The following BSPH1 variants were observed in gnomAD, a reference collection of about 807,000 sequenced individuals.
BSPH1 encodes binder of sperm protein homolog 1, also known as binder of sperm 1.
Under a neutral mutation model 22.5 loss-of-function variants are expected in BSPH1, and 21 were observed. The observed-to-expected ratio is 0.93, with a 90% CI of 0.66 to 1.35. The LOEUF is 1.35. Among genes scored for constraint, BSPH1 ranks in the 40% most tolerant of loss-of-function variants. The pLI, the probability that BSPH1 is intolerant of heterozygous loss-of-function variation, is 0.00. For synonymous variants in BSPH1, 42 were observed against 53.6 expected (o/e 0.78, Z 0.95); for missense variants, 141 against 154.2 (o/e 0.91, Z 0.45).
chr19:47,992,044 C>A lies in BSPH1; in HGVS notation c.38G>T (p.Arg13Leu), dbSNP rs559555937. ...AGGGAAGATGCAAGCTGAGGAATTT[C>A]GCGTCGTTTCCACGAAGAGAAGCAT... ...SLMLLFVETTRNSSACIFPVI... is the reference protein window; with the variant it reads ...SLMLLFVETTLNSSACIFPVI... The change falls in exon 1 of 6, where the codon CGA (arginine) becomes CTA (leucine). Residue 13 changes from arginine to leucine, a missense_variant. Arg to Leu is a moderately radical substitution (Grantham distance 102). Coordinates refer to ENST00000344839, the MANE Select transcript of BSPH1 (RefSeq NM_001128326.2). 3 of 1,550,932 alleles carry A rather than the reference C, an allele frequency of 1.9e-6. No homozygotes were observed. The highest frequency in any genetic ancestry group is 2.6e-6 in the Non-Finnish European group (3 of 1,146,456).
intron 1 of BSPH1, 146 bp from the exon 2 acceptor site, chr19:47,981,087 A>G: frequency 2.2e-6 from 1 of 456,884 alleles, no homozygotes; most frequent in Non-Finnish European, 4.0e-6. Context: ...TAGTAGTGTG[A>G]TTGTGGGTGA....
In BSPH1 at chr19:47,976,869, G is replaced by A. The variant is rs1275091878; in HGVS notation, c.257-15C>T. The A allele has an allele frequency of 6.4e-7, 1 of 1,550,792 alleles. No homozygotes were observed. The highest frequency in any genetic ancestry group is 1.4e-5 in the African/African-American group (1 of 73,020). On this transcript the variant is annotated splice_polypyrimidine_tract_variant and intron_variant, in intron 4 of 5. Transcript: ENST00000344839. ...GTTTGCAAAATCTGCAGAGGAGGAA[G>A]AGGAAGAAGCAGAGTAAGAAACCTT...
At position 47,974,269 on chromosome 19, in the gene BSPH1, C is replaced by CTCTCTCTCT. The variant is rs57733472; in HGVS notation, c.*2+2440_*2+2441insAGAGAGAGA. ...CCACAGCCACTTTCTCTCTCTCTCT[C>CTCTCTCTCT]TTTTTTTTTTTTTTTTTTGAGATGG... On this transcript the variant is annotated intron_variant, in intron 5 of 5. Coordinates refer to ENST00000344839, the MANE Select transcript of BSPH1 (RefSeq NM_001128326.2). 3.0e-3 allele frequency among the ~76,000 whole-genome samples: 225 copies of CTCTCTCTCT among 75,976 alleles called. 1 individual carries two copies. Among genetic ancestry groups the CTCTCTCTCT allele is most frequent in the African/African-American group, 0.012 (216 of 18,508 alleles). 49.8% of individuals were successfully genotyped at this position (75,976 alleles called of 152,430 possible).
intron 5 of BSPH1, among the ~76,000 whole-genome samples, chr19:47,969,701 GA>G (rs1969292537): frequency 1.3e-5 from 2 of 150,522 alleles, no homozygotes; most frequent in Non-Finnish European, 3.0e-5. Flanking sequence ...GAGAGAGAGA[GA>G]GAGAGAGAGA....
chr19:47,978,665 C>T (rs1969391217), intron 3 of BSPH1, among the ~76,000 whole-genome samples: 1 of 152,198 alleles, frequency 6.6e-6, no homozygotes, highest in Non-Finnish European at 1.5e-5. Context: ...ACCAATTGTG[C>T]TCCTTTACCT....
rs754788071 is a variant in BSPH1 at position 47,992,060 on chromosome 19, A to T, written c.22T>A (p.Phe8Ile). The part of the protein sequence containing the change: MGSLMLL[F>I]VETTRNSSAC... ...GAGGAATTTCGCGTCGTTTCCACGA[A>T]GAGAAGCATCAGGGAGCCCATGGGC... Residue 8 changes from phenylalanine (F) to isoleucine (I), a missense_variant, in exon 1 of 6, where the codon TTC (phenylalanine) becomes ATC (isoleucine). Physicochemically the swap from Phe to Ile is conservative, Grantham distance 21 (BLOSUM62 0). Transcript: ENST00000344839. 3.9e-6 allele frequency: 6 copies of T among 1,551,478 alleles called. No individual in the cohort carries two copies. In the South Asian group the frequency reaches 7.1e-5, roughly 18 times the overall value.
chr19:47,968,835 C>T (rs369316476), intron 5 of BSPH1, among the ~76,000 whole-genome samples: 94 of 151,696 alleles, frequency 6.2e-4, no homozygotes, highest in African/African-American at 2.1e-3. Flanking sequence ...CCCGTCTCTA[C>T]TAAAATACAA....
chr19:47,976,678 C>T (rs763260203), intron 5 of BSPH1, 32 bp downstream of exon 5: 14 of 1,508,616 alleles, frequency 9.3e-6, no homozygotes, highest in South Asian at 1.2e-5. Context: ...AATGATTAAA[C>T]GTCTTCATCC....
intron 1 of BSPH1, 36 bp from the exon 2 acceptor site, chr19:47,980,977 C>T (rs1224536542): frequency 8.2e-7 from 1 of 1,215,442 alleles, no homozygotes; most frequent in African/African-American, 1.6e-5. Flanking sequence ...ATTTATGTCA[C>T]TTTAAAATAA....
In BSPH1 at chr19:47,968,831, T is replaced by G. The variant is rs536301466; in HGVS notation, c.*3-622A>C. ...CTGGGCAACACTGTGAAACCCCGTC[T>G]CTACTAAAATACAAAAAATTAGTTG... On this transcript the variant is annotated intron_variant, in intron 5 of 5. Transcript: ENST00000344839. Among the ~76,000 whole-genome samples the G allele has an allele frequency of 1.8e-3, 278 of 151,818 alleles. 2 individuals carry two copies. The highest frequency in any genetic ancestry group is 6.6e-3 in the African/African-American group (272 of 41,390).
At chr19:47,991,585 T>A in intron 1 of BSPH1, among the ~76,000 whole-genome samples, 1 of 68,674 alleles carries the variant, frequency 1.5e-5, no homozygotes. Flanking sequence ...CTCTTTCCCC[T>A]CTGTCTCCCC....
At chr19:47,990,286 C>T (rs1969511617) in intron 1 of BSPH1, among the ~76,000 whole-genome samples, 1 of 152,060 alleles carries the variant, frequency 6.6e-6, no homozygotes, top group South Asian at 2.1e-4. Context: ...AGTTTTTATT[C>T]TCTGATGCAT....
intron 1 of BSPH1, among the ~76,000 whole-genome samples, chr19:47,991,140 T>C (rs1969518870): frequency 6.6e-6 from 1 of 152,112 alleles, no homozygotes; most frequent in Admixed American, 6.6e-5. Context: ...TGTGCAGGAC[T>C]CCGTCCCAGC....
intron 1 of BSPH1, among the ~76,000 whole-genome samples, chr19:47,983,642 G>T (rs1405840139): frequency 2.0e-5 from 3 of 152,072 alleles, no homozygotes; most frequent in Non-Finnish European, 4.4e-5. Flanking sequence ...CCATCCACCT[G>T]GTGGATCATT....
rs377550527 is a variant in BSPH1, at chr19:47,970,235, T to G, written c.*3-2026A>C. Reference sequence around the variant, plus strand: ...TAACACACCCAGCTAATTTTCGTATTTTTAGTAGAGACTGGGCTTCACCAT... The same window carrying G: ...TAACACACCCAGCTAATTTTCGTATGTTTAGTAGAGACTGGGCTTCACCAT... On this transcript the variant is annotated intron_variant, in intron 5 of 5. Transcript: ENST00000344839. Among the ~76,000 whole-genome samples the G allele has an allele frequency of 6.6e-5, 10 of 152,134 alleles. No individual in the cohort carries two copies. In the East Asian group the frequency reaches 1.7e-3, roughly 27 times the overall value.
intron 5 of BSPH1, among the ~76,000 whole-genome samples, 158 bp downstream of exon 5, chr19:47,976,552 A>G (rs1254859952): frequency 2.8e-5 from 4 of 143,290 alleles, no homozygotes; most frequent in African/African-American, 1.0e-4. Context: ...CTAGTTATTT[A>G]TAGTTAGATC....
chr19:47,970,496 A>G (rs543588026), intron 5 of BSPH1, among the ~76,000 whole-genome samples: 1 of 152,334 alleles, frequency 6.6e-6, no homozygotes, highest in Non-Finnish European at 1.5e-5. Context: ...TTTTTAGTTC[A>G]GAAGTCTCCA....
chr19:47,975,119 G>A lies in BSPH1; in HGVS notation c.*2+1591C>T, dbSNP rs1477681386. ...GAAGGTGACTCCACTCCCTCCTCCT[G>A]GGATCATCCCATCTCTTCCTTTTTT... On this transcript the variant is annotated intron_variant, in intron 5 of 5. Coordinates refer to ENST00000344839, the MANE Select transcript of BSPH1 (RefSeq NM_001128326.2). Among the ~76,000 whole-genome samples, 7 of 152,098 alleles carry A rather than the reference G, an allele frequency of 4.6e-5. No homozygotes were observed. In the East Asian group the frequency reaches 7.7e-4, roughly 17 times the overall value.
chr19:47,972,687 G>A (rs982429036), intron 5 of BSPH1, among the ~76,000 whole-genome samples: 3 of 151,976 alleles, frequency 2.0e-5, no homozygotes, highest in Non-Finnish European at 2.9e-5. Context: ...TGGTTACCTC[G>A]GATGTGTGGA....
Sources: gnomAD v4.1 joint callset for allele counts (sites outside exome capture counted in the v4.1 genomes callset) on GRCh38, gnomAD v4.1.1 for gene constraint, MANE v1.5 for transcripts, NCBI Gene and HGNC (gene_info 2026-07-23, HGNC 2026-07-21) for gene names.